Variants in RUNDC3B observed in about 807,000 individuals in gnomAD.
The protein encoded by RUNDC3B is RUN domain containing 3B.
RUNDC3B carries 33 observed loss-of-function variants against 58.4 expected under a neutral mutation model. That is an observed-to-expected ratio of 0.56 (90% CI 0.43 to 0.75). RUNDC3B has a LOEUF of 0.75. Among genes scored for constraint, RUNDC3B ranks in the 30% least tolerant of loss-of-function variants. The probability of loss-of-function intolerance (pLI) is 0.00; values close to 1 mark genes in which losing one functional copy is unlikely to be tolerated. For synonymous variants in RUNDC3B, 193 were observed against 195.2 expected, an observed-to-expected ratio of 0.99 and a Z score of 0.10; for missense variants, 501 against 535.7, an observed-to-expected ratio of 0.94 and a Z score of 0.64.
intron 6 of RUNDC3B, among the ~76,000 whole-genome samples, chr7:87,758,452 A>T (rs1447502991): frequency 6.6e-6 from 1 of 152,230 alleles, no homozygotes; most frequent in Non-Finnish European, 1.5e-5. Flanking sequence ...AAGTACAGGC[A>T]ACCAAAGCAA....
intron 2 of RUNDC3B, among the ~76,000 whole-genome samples, chr7:87,666,722 C>T (rs1825288170): frequency 6.6e-6 from 1 of 152,068 alleles, no homozygotes; most frequent in African/African-American, 2.4e-5. Context: ...TCCAGTTTTC[C>T]CAGCACCATT....
chr7:87,653,799 T>TA (rs1823813020), intron 2 of RUNDC3B, among the ~76,000 whole-genome samples: 1 of 152,020 alleles, frequency 6.6e-6, no homozygotes, highest in South Asian at 2.1e-4. Context: ...CAGTCTTACT[T>TA]AGTCTTCTGG....
In RUNDC3B at chr7:87,680,752, G is replaced by A. The variant is rs557509421; in HGVS notation, c.239-19669G>A. Among the ~76,000 whole-genome samples, 19 of 149,758 alleles carry A rather than the reference G, an allele frequency of 1.3e-4. 1 individual carries two copies. In the East Asian group the frequency reaches 2.4e-3, roughly 19 times the overall value. The stretch of plus-strand genomic sequence containing the variant: ...GGAGGGTGCAGTGAGCCAAGATCGC[G>A]CCATTGCACTCCAGCTTGGGCAAGG... On this transcript the variant is annotated intron_variant, in intron 2 of 10. Transcript: ENST00000394654.
chr7:87,753,623 A>G (rs1833166610), intron 6 of RUNDC3B, among the ~76,000 whole-genome samples: 1 of 152,194 alleles, frequency 6.6e-6, no homozygotes, highest in Admixed American at 6.6e-5. Flanking sequence ...CTTTACCGTT[A>G]TGTAATGGCC....
chr7:87,829,112 T>C lies in RUNDC3B; in HGVS notation c.1226-773T>C, dbSNP rs567478012. ...TATTCATGATTGTTGACCACTTCTG[T>C]GTCTTCTTTTGAGAAGTGTCTTCGT... On this transcript the variant is annotated intron_variant, in intron 10 of 10. Transcript: ENST00000394654. Among the ~76,000 whole-genome samples the C allele has an allele frequency of 8.5e-5, 13 of 152,290 alleles. No homozygotes were observed. The South Asian group carries it at 2.7e-3, about 32-fold the overall frequency.
intron 4 of RUNDC3B, among the ~76,000 whole-genome samples, chr7:87,734,123 C>T (rs984214510): frequency 6.6e-6 from 1 of 152,088 alleles, no homozygotes; most frequent in African/African-American, 2.4e-5. Flanking sequence ...TGGGTATGTT[C>T]AAAAGATCAC....
At chr7:87,671,116 A>T (rs1400959999) in intron 2 of RUNDC3B, among the ~76,000 whole-genome samples, 1 of 152,160 alleles carries the variant, frequency 6.6e-6, no homozygotes. Context: ...TCAGACCAGG[A>T]TGGAGGGTCT....
At position 87,807,495 on chromosome 7, in the gene RUNDC3B, G is replaced by T. The variant is rs769895514; in HGVS notation, c.1079G>T (p.Arg360Leu). 1 of 1,613,408 alleles carries T rather than the reference G, an allele frequency of 6.2e-7. No individual in the cohort carries two copies. The highest frequency in any genetic ancestry group is 1.1e-5 in the South Asian group (1 of 91,068). Residue 360 changes from arginine (R) to leucine (L), a missense_variant, in exon 9 of 11, where the codon CGA becomes CTA. Coordinates refer to ENST00000394654, the MANE Select transcript of RUNDC3B (RefSeq NM_001134405.2). ...GTTGCCTTGGATACGTTGCTTTACC[G>T]AAAACACAATAAACAGTGGTATGAG... ...NAVALDTLLY[R>L]KHNKQWYEKS...
chr7:87,825,155 G>A (rs748480434), intron 10 of RUNDC3B, among the ~76,000 whole-genome samples: 125 of 152,138 alleles, frequency 8.2e-4, no homozygotes, highest in Non-Finnish European at 1.6e-3. Flanking sequence ...CTGGGAGGTG[G>A]AGCTTGCAGT....
intron 2 of RUNDC3B, among the ~76,000 whole-genome samples, chr7:87,697,288 T>G (rs1828576442): frequency 6.6e-6 from 1 of 152,236 alleles, no homozygotes; most frequent in South Asian, 2.1e-4. Context: ...GTTTCCCATA[T>G]TGTCTTTTTA....
chr7:87,685,343 A>G (rs1032412264), intron 2 of RUNDC3B, among the ~76,000 whole-genome samples: 3 of 152,234 alleles, frequency 2.0e-5, no homozygotes, highest in African/African-American at 7.2e-5. Flanking sequence ...AAGATGTTCA[A>G]CATCATTAGT....
chr7:87,647,487 C>T (rs1207762896), intron 1 of RUNDC3B, among the ~76,000 whole-genome samples: 1 of 152,084 alleles, frequency 6.6e-6, no homozygotes, highest in Non-Finnish European at 1.5e-5. Flanking sequence ...GTAAACATTG[C>T]TACATTTTTC....
chr7:87,653,302 C>A (rs1038307548), intron 2 of RUNDC3B, among the ~76,000 whole-genome samples: 1 of 152,030 alleles, frequency 6.6e-6, no homozygotes, highest in Admixed American at 6.6e-5. Flanking sequence ...AAAGCCACTG[C>A]AAAAGCTGGA....
chr7:87,714,772 C>T (rs1014385808), intron 4 of RUNDC3B, among the ~76,000 whole-genome samples: 20 of 152,010 alleles, frequency 1.3e-4, no homozygotes, highest in African/African-American at 4.8e-4. Flanking sequence ...CAGGCACCCC[C>T]CCGCCCCATG....
At chr7:87,711,829 T>C (rs1830118132) in intron 4 of RUNDC3B, among the ~76,000 whole-genome samples, 1 of 152,196 alleles carries the variant, frequency 6.6e-6, no homozygotes, top group Admixed American at 6.5e-5. Context: ...CGGAGCTGCC[T>C]GAGATATTTC....
At chr7:87,647,803 G>A (rs1359329918) in intron 1 of RUNDC3B, among the ~76,000 whole-genome samples, 3 of 152,114 alleles carry the variant, frequency 2.0e-5, no homozygotes, top group Non-Finnish European at 2.9e-5. Flanking sequence ...TTCAAAGTCT[G>A]TCTAGGATTT....
intron 3 of RUNDC3B, among the ~76,000 whole-genome samples, chr7:87,709,835 T>C (rs1224926701): frequency 3.3e-5 from 5 of 152,220 alleles, no homozygotes; most frequent in Non-Finnish European, 5.9e-5. Context: ...AATTGATTTA[T>C]GAAGTTCTTA....
At chr7:87,670,553 C>T (rs903323955) in intron 2 of RUNDC3B, among the ~76,000 whole-genome samples, 5 of 152,230 alleles carry the variant, frequency 3.3e-5, no homozygotes, top group African/African-American at 1.2e-4. Flanking sequence ...ATACTCTGAA[C>T]ATTTGAGTTA....
chr7:87,660,838 T>C (rs1824630261), intron 2 of RUNDC3B, among the ~76,000 whole-genome samples: 1 of 151,978 alleles, frequency 6.6e-6, no homozygotes, highest in South Asian at 2.1e-4. Flanking sequence ...AATTTGGAAG[T>C]CTTTTTATGT....
Sources: allele counts gnomAD v4.1 joint callset (sites outside exome capture counted in the v4.1 genomes callset), GRCh38; gene constraint gnomAD v4.1.1; transcripts MANE v1.5; gene names NCBI Gene and HGNC (gene_info 2026-07-23, HGNC 2026-07-21).